The following VRK3 variants were observed in gnomAD, a reference collection of about 807,000 sequenced individuals.
VRK3 encodes VRK serine/threonine kinase 3, also known as serine/threonine-protein kinase VRK3.
In VRK3, 50 loss-of-function variants were observed where a neutral mutation model predicts 60.4. The ratio of observed to expected loss-of-function variants is 0.83; its 90% confidence interval spans 0.66 to 1.05. The LOEUF (loss-of-function observed/expected upper bound fraction) is 1.05, where lower values mean the gene tolerates loss of function less well. Among genes scored for constraint, VRK3 ranks in the 50% least tolerant of loss-of-function variants. VRK3 has a pLI of 0.00. For synonymous variants in VRK3, 246 were observed against 227.8 expected, an observed-to-expected ratio of 1.08 and a Z score of -0.72; for missense variants, 549 against 585.3, an observed-to-expected ratio of 0.94 and a Z score of 0.64.
chr19:49,983,830 T>A (rs1466035626), intron 12 of VRK3, among the ~76,000 whole-genome samples: 1 of 152,138 alleles, frequency 6.6e-6, no homozygotes, highest in Non-Finnish European at 1.5e-5. Context: ...TGTGGTCCCC[T>A]TGGTTATTGT....
rs546061082 is a variant in VRK3 at position 50,000,690 on chromosome 19, C to T, written c.612+100G>A. 3.7e-5 allele frequency: 53 copies of T among 1,420,198 alleles called. No individual in the cohort carries two copies. The East Asian group carries it at 4.7e-4, about 13-fold the overall frequency. The allele number at this position is 1,420,198 out of a possible 1,614,324, so 88.0% of individuals were successfully genotyped here. ...CCTTGCAGGTGGGGACCCTGGCCCC[C>T]GGCCGAGCTCTCCCAGCTGACAGAC... On this transcript the variant is annotated intron_variant, in intron 6 of 14. Transcript: ENST00000316763.
intron 3 of VRK3, among the ~76,000 whole-genome samples, chr19:50,009,871 C>T (rs189525961): frequency 3.9e-5 from 6 of 152,242 alleles, no homozygotes; most frequent in Non-Finnish European, 7.4e-5. Context: ...GAACTCCTGA[C>T]CTCAAGTGAT....
Position 49,979,107 on chromosome 19 carries a change from G to C in VRK3, c.1412C>G (p.Pro471Arg), listed in dbSNP as rs773743665. ...RVSPYDPIGL[P>R]MVP ...CCTGGATTCCACCTAGGGCACCATC[G>C]GGAGGCCAATGGGGTCATATGGAGA... The change falls in exon 14 of 15, where the codon CCG becomes CGG. Residue 471 changes from proline to arginine, a missense_variant. Coordinates refer to ENST00000316763, the MANE Select transcript of VRK3 (RefSeq NM_016440.4). The C allele has an allele frequency of 1.2e-6, 2 of 1,609,854 alleles. No individual in the cohort carries two copies. The highest frequency in any genetic ancestry group is 2.2e-5 in the East Asian group (1 of 44,796).
intron 5 of VRK3, 51 bp downstream of exon 5, chr19:50,007,518 G>A (rs2076916609): frequency 1.2e-6 from 2 of 1,606,222 alleles, no homozygotes; most frequent in African/African-American, 1.3e-5. Context: ...CCCTCCCACT[G>A]TCCTGGTGCT....
chr19:50,013,906 G>C (rs957860272), intron 3 of VRK3, among the ~76,000 whole-genome samples: 1 of 152,172 alleles, frequency 6.6e-6, no homozygotes, highest in Non-Finnish European at 1.5e-5. Flanking sequence ...ATTGCATAGA[G>C]GGAAGATGCA....
chr19:50,005,353 G>C (rs919392797), intron 5 of VRK3, among the ~76,000 whole-genome samples: 1 of 149,344 alleles, frequency 6.7e-6, no homozygotes. Context: ...CTACGTGCCT[G>C]TCTGGCCAGC....
At chr19:49,987,499 G>A (rs1458386066) in intron 12 of VRK3, among the ~76,000 whole-genome samples, 1 of 152,138 alleles carries the variant, frequency 6.6e-6, no homozygotes, top group Non-Finnish European at 1.5e-5. Flanking sequence ...CATATGTTCC[G>A]CTGTCCACCG....
At chr19:50,006,489 C>T (rs1048331400) in intron 5 of VRK3, among the ~76,000 whole-genome samples, 59 of 150,240 alleles carry the variant, frequency 3.9e-4, no homozygotes, top group Non-Finnish European at 7.2e-4. Flanking sequence ...CATTCTCCTG[C>T]CTCAGCCTCC....
Position 49,981,847 on chromosome 19 carries a change from G to A in VRK3, c.1218-834C>T, listed in dbSNP as rs954644685. 5.9e-6 allele frequency: 7 copies of A among 1,191,886 alleles called. No homozygotes were observed. In the African/African-American group the frequency reaches 9.4e-5, roughly 16 times the overall value. The allele number at this position is 1,191,886 out of a possible 1,614,324, so 73.8% of individuals were successfully genotyped here. ...GTCAGGGAGCTCGTGGCTGTGAGGGGCCAATGGGCGGTATCCAAACATTTT... is the reference window on the plus strand; with the variant it reads ...GTCAGGGAGCTCGTGGCTGTGAGGGACCAATGGGCGGTATCCAAACATTTT... On this transcript the variant is annotated intron_variant, in intron 12 of 14. Transcript: ENST00000316763.
Position 49,976,747 on chromosome 19 carries a change from ATTTTTT to A in VRK3, c.*43_*48del, listed in dbSNP as rs35937899. The stretch of plus-strand genomic sequence containing the variant: ...AGCAGGCCTTGAGTCACATTACTTC[ATTTTTT>A]TTTTTCTGTTGCACACTGCAAATGG... On this transcript the variant is annotated 3_prime_UTR_variant, in exon 15 of 15. Transcript: ENST00000316763. 6.7e-6 allele frequency: 1 copy of A among 149,472 alleles called. No individual in the cohort carries two copies. Among genetic ancestry groups the A allele is most frequent in the African/African-American group, 2.4e-5 (1 of 40,862 alleles). 9.3% of individuals were successfully genotyped at this position (149,472 alleles called of 1,614,324 possible).
intron 5 of VRK3, among the ~76,000 whole-genome samples, chr19:50,006,434 G>A (rs2076893195): frequency 6.6e-6 from 1 of 151,286 alleles, no homozygotes; most frequent in Admixed American, 6.6e-5. Context: ...GGAGTGCAGT[G>A]GTGCAACCTC....
chr19:49,998,946 C>CA (rs1774705802), intron 6 of VRK3: 1 of 45,628 alleles, frequency 2.2e-5, no homozygotes. Flanking sequence ...CCATCTCTAC[C>CA]AGAAAAAAAA....
intron 3 of VRK3, among the ~76,000 whole-genome samples, chr19:50,010,795 C>A (rs560589808): frequency 1.3e-5 from 2 of 152,160 alleles, no homozygotes; most frequent in Non-Finnish European, 2.9e-5. Context: ...TGCCTGTAAA[C>A]CCAGCTACTT....
intron 2 of VRK3, chr19:50,019,381 T>A (rs921682883): frequency 6.7e-6 from 1 of 150,094 alleles, no homozygotes; most frequent in Non-Finnish European, 1.5e-5. Context: ...TAAAAATATA[T>A]GTATTTTTAA....
Position 50,000,823 on chromosome 19 carries a change from T to G in VRK3, c.579A>C (p.Ser193=). 6.2e-7 allele frequency: 1 copy of G among 1,613,932 alleles called. No individual in the cohort carries two copies. Among genetic ancestry groups the G allele is most frequent in the Non-Finnish European group, 8.5e-7 (1 of 1,179,920 alleles). ...AAPTSTLTCD[S]GPQKQKFSLK... is the part of the protein sequence containing the mutation. ...GTGAGAACTTTTGCTTCTGTGGTCC[T>G]GAGTCACAGGTGAGGGTGGAGGTGG... Residue 193 remains serine (S), a synonymous_variant, in exon 6 of 15, where the codon TCA becomes TCC. Transcript: ENST00000316763.
In VRK3 at chr19:49,996,130, CAG is replaced by C. The variant is rs2076699912; in HGVS notation, c.680-857_680-856del. Among the ~76,000 whole-genome samples the C allele has an allele frequency of 4.6e-5, 7 of 152,228 alleles. No individual in the cohort carries two copies. In the South Asian group the frequency reaches 1.4e-3, roughly 32 times the overall value. On this transcript the variant is annotated intron_variant, in intron 7 of 14. Coordinates refer to ENST00000316763, the MANE Select transcript of VRK3 (RefSeq NM_016440.4). ...AGAGATGGAGTTTCACCATGTTGGC[CAG>C]GATGGTCTCAATCTCCTGACCTCAT...
intron 2 of VRK3, among the ~76,000 whole-genome samples, chr19:50,019,626 C>G (rs1291457760): frequency 6.8e-6 from 1 of 146,410 alleles, no homozygotes; most frequent in African/African-American, 2.5e-5. Flanking sequence ...CCTCTCACCT[C>G]AGTCTCCCAA....
intron 4 of VRK3, among the ~76,000 whole-genome samples, chr19:50,008,962 C>T (rs1217375507): frequency 6.6e-6 from 1 of 152,142 alleles, no homozygotes; most frequent in Admixed American, 6.5e-5. Context: ...ACACAGATAC[C>T]AGACTGAAGA....
intron 5 of VRK3, 78 bp downstream of exon 5, chr19:50,007,491 A>G (rs1600703817): frequency 6.3e-7 from 1 of 1,582,190 alleles, no homozygotes; most frequent in South Asian, 1.2e-5. Flanking sequence ...TTCCATTCCC[A>G]TTCTCAGAAC....
Sources: allele counts gnomAD v4.1 joint callset (sites outside exome capture counted in the v4.1 genomes callset), GRCh38; gene constraint gnomAD v4.1.1; transcripts MANE v1.5; gene names NCBI Gene and HGNC (gene_info 2026-07-23, HGNC 2026-07-21).